SGIP1: variants seen among roughly 807,000 people sequenced by gnomAD.
SGIP1 encodes the protein SH3GL interacting endocytic adaptor 1.
SGIP1 carries 38 observed loss-of-function variants against 107.5 expected under a neutral mutation model. That is an observed-to-expected ratio of 0.35 (90% CI 0.27 to 0.46). The LOEUF (loss-of-function observed/expected upper bound fraction) is 0.46. SGIP1 is among the 20% of genes least tolerant of loss of function. The pLI is 1.00. For missense variants in SGIP1, 929 were observed against 1,019.5 expected, an observed-to-expected ratio of 0.91 and a Z score of 1.21; for synonymous variants, 365 against 366.1, an observed-to-expected ratio of 1.00 and a Z score of 0.03.
At chr1:66,675,537 C>CTTTTTTTTT (rs141370211) in intron 12 of SGIP1, among the ~76,000 whole-genome samples, 3,141 of 108,706 alleles carry the variant, frequency 0.029, 300 homozygotes, top group East Asian at 0.038. Context: ...TTTTCTTTTT[C>CTTTTTTTTT]TTTCTTTTTT....
intron 7 of SGIP1, among the ~76,000 whole-genome samples, chr1:66,658,154 G>A (rs2080162245): frequency 6.6e-6 from 1 of 152,118 alleles, no homozygotes; most frequent in South Asian, 2.1e-4. Flanking sequence ...TAAATAAGAT[G>A]CATTTTATTT....
chr1:66,552,705 G>A (rs1204862914), intron 1 of SGIP1, among the ~76,000 whole-genome samples: 2 of 152,018 alleles, frequency 1.3e-5, no homozygotes, highest in Non-Finnish European at 2.9e-5. Context: ...AAGTTATTTT[G>A]AGGAATAAAT....
At chr1:66,629,214 T>G (rs183983333) in intron 2 of SGIP1, among the ~76,000 whole-genome samples, 13 of 152,298 alleles carry the variant, frequency 8.5e-5, no homozygotes, top group Admixed American at 7.2e-4. Context: ...AGCACCAACT[T>G]CAGCTGATTG....
At chr1:66,595,279 A>G (rs1216974142) in intron 1 of SGIP1, among the ~76,000 whole-genome samples, 1 of 152,120 alleles carries the variant, frequency 6.6e-6, no homozygotes, top group African/African-American at 2.4e-5. Context: ...GCAGACATCA[A>G]GTGTCAACTG....
At chr1:66,589,212 A>ATGTGTGTGTG (rs1203908242) in intron 1 of SGIP1, among the ~76,000 whole-genome samples, 1 of 89,764 alleles carries the variant, frequency 1.1e-5, no homozygotes, top group African/African-American at 4.8e-5. Context: ...ATATATATAT[A>ATGTGTGTGTG]TATATGTAAG....
intron 1 of SGIP1, among the ~76,000 whole-genome samples, chr1:66,595,717 A>G (rs1190605803): frequency 1.3e-5 from 2 of 152,240 alleles, no homozygotes; most frequent in Non-Finnish European, 2.9e-5. Flanking sequence ...TATGGAATCC[A>G]TATTATGGAA....
chr1:66,648,980 T>A (rs2078193801), intron 7 of SGIP1, among the ~76,000 whole-genome samples: 2 of 152,336 alleles, frequency 1.3e-5, no homozygotes, highest in African/African-American at 4.8e-5. Context: ...ACATGATGTG[T>A]AATTGGTACT....
At chr1:66,546,252 C>T (rs2056368319) in intron 1 of SGIP1, among the ~76,000 whole-genome samples, 1 of 152,184 alleles carries the variant, frequency 6.6e-6, no homozygotes, top group African/African-American at 2.4e-5. Context: ...ATCACACTGG[C>T]TGAGAGCCAC....
intron 19 of SGIP1, among the ~76,000 whole-genome samples, chr1:66,728,810 G>A (rs1463431866): frequency 6.6e-6 from 1 of 152,122 alleles, no homozygotes; most frequent in African/African-American, 2.4e-5. Flanking sequence ...GCAGGAACAT[G>A]GATGGAACTG....
At chr1:66,597,741 T>G (rs910258907) in intron 1 of SGIP1, among the ~76,000 whole-genome samples, 1 of 152,168 alleles carries the variant, frequency 6.6e-6, no homozygotes, top group African/African-American at 2.4e-5. Flanking sequence ...TCTCAGAGTA[T>G]GGGACTTTCT....
chr1:66,706,027 T>TA (rs2092474083), intron 18 of SGIP1, among the ~76,000 whole-genome samples: 2 of 152,080 alleles, frequency 1.3e-5, no homozygotes, highest in African/African-American at 4.8e-5. Context: ...TCCCGGAACT[T>TA]AGAGTAAAAT....
chr1:66,734,638 A>G (rs1430561154), intron 21 of SGIP1, among the ~76,000 whole-genome samples: 1 of 151,224 alleles, frequency 6.6e-6, no homozygotes, highest in Admixed American at 6.6e-5. Flanking sequence ...CTGAGTAGCT[A>G]GGAATACAGG....
intron 24 of SGIP1, among the ~76,000 whole-genome samples, chr1:66,741,748 CT>C (rs2094450763): frequency 6.6e-6 from 1 of 151,354 alleles, no homozygotes; most frequent in African/African-American, 2.4e-5. Flanking sequence ...AAGACAAATA[CT>C]TTTTGCCTTT....
chr1:66,684,425 A>T (rs1557617979), intron 15 of SGIP1, among the ~76,000 whole-genome samples: 1 of 152,132 alleles, frequency 6.6e-6, no homozygotes, highest in Non-Finnish European at 1.5e-5. Context: ...CTTTGAGGGG[A>T]TACAAAGCTC....
rs554223487 is a variant in SGIP1, at chr1:66,573,448, C to T, written c.10+39080C>T. 1.2e-4 allele frequency among the ~76,000 whole-genome samples: 18 copies of T among 152,204 alleles called. 1 individual carries two copies. In the East Asian group the frequency reaches 3.3e-3, roughly 28 times the overall value. On this transcript the variant is annotated intron_variant, in intron 1 of 24. Coordinates refer to ENST00000371037, the MANE Select transcript of SGIP1 (RefSeq NM_032291.4). Reference sequence around the variant, plus strand: ...AATATAAATTATTCTATCAGAACGACACATGCACTCATATGTTTATTGCAG... The same window carrying T: ...AATATAAATTATTCTATCAGAACGATACATGCACTCATATGTTTATTGCAG...
chr1:66,669,851 C>T (rs1410585749), intron 9 of SGIP1, among the ~76,000 whole-genome samples: 2 of 152,058 alleles, frequency 1.3e-5, no homozygotes, highest in Non-Finnish European at 2.9e-5. Flanking sequence ...ACAGAAAATG[C>T]TTATATAGCC....
At chr1:66,571,037 G>A (rs2060306611) in intron 1 of SGIP1, among the ~76,000 whole-genome samples, 1 of 152,012 alleles carries the variant, frequency 6.6e-6, no homozygotes, top group Non-Finnish European at 1.5e-5. Context: ...AACCAGATAA[G>A]TGCCTCCCAA....
Position 66,679,676 on chromosome 1 carries a change from A to G in SGIP1, c.740-2A>G. The G allele has an allele frequency of 6.2e-7, 1 of 1,603,266 alleles. No homozygotes were observed. Among genetic ancestry groups the G allele is most frequent in the Non-Finnish European group, 8.5e-7 (1 of 1,176,890 alleles). On this transcript the variant is annotated splice_acceptor_variant, in intron 13 of 24. Coordinates refer to ENST00000371037, the MANE Select transcript of SGIP1 (RefSeq NM_032291.4). LOFTEE classifies it high-confidence loss of function. ...GATACTTAATTTCTCATCTTTTTGC[A>G]GCACCTCCACCACTGCCTCCAAAAA...
At chr1:66,724,934 A>G (rs1429291404) in intron 19 of SGIP1, among the ~76,000 whole-genome samples, 2 of 152,224 alleles carry the variant, frequency 1.3e-5, no homozygotes, top group Non-Finnish European at 2.9e-5. Context: ...ATTGTTTTCT[A>G]ATAGCTGCCA....
Sources: allele counts gnomAD v4.1 joint callset (sites outside exome capture counted in the v4.1 genomes callset), GRCh38; gene constraint gnomAD v4.1.1; transcripts MANE v1.5; gene names NCBI Gene and HGNC (gene_info 2026-07-23, HGNC 2026-07-21).